FTO: variants seen among roughly 807,000 people sequenced by gnomAD.
FTO encodes the protein FTO alpha-ketoglutarate dependent dioxygenase, also known as alpha-ketoglutarate-dependent dioxygenase FTO.
Under a neutral mutation model 63.9 loss-of-function variants are expected in FTO, and 47 were observed. The ratio of observed to expected loss-of-function variants is 0.74; its 90% CI spans 0.58 to 0.94. The LOEUF (loss-of-function observed/expected upper bound fraction) is 0.94, where lower values mean the gene tolerates loss of function less well. Ranked by LOEUF, FTO falls within the 40% of genes least tolerant of loss-of-function variation. The probability of loss-of-function intolerance (pLI) is 0.00; values close to 1 mark genes in which losing one functional copy is unlikely to be tolerated. For synonymous variants in FTO, 207 were observed against 224.4 expected, an observed-to-expected ratio of 0.92 and a Z score of 0.69; for missense variants, 562 against 618.1, an observed-to-expected ratio of 0.91 and a Z score of 0.96.
At chr16:53,862,873 G>A (rs1039107627) in intron 4 of FTO, among the ~76,000 whole-genome samples, 1 of 152,020 alleles carries the variant, frequency 6.6e-6, no homozygotes, top group Non-Finnish European at 1.5e-5. Flanking sequence ...TGTGATTCCT[G>A]TTAAGTACAT....
chr16:53,715,903 T>C (rs2075884490), intron 1 of FTO, among the ~76,000 whole-genome samples: 1 of 152,174 alleles, frequency 6.6e-6, no homozygotes, highest in African/African-American at 2.4e-5. Context: ...TAGTGTACCC[T>C]TTGTGTACCA....
intron 8 of FTO, among the ~76,000 whole-genome samples, chr16:54,062,375 G>C (rs2085599792): frequency 6.6e-6 from 1 of 152,126 alleles, no homozygotes. Context: ...TGGCAGGGGG[G>C]TGCGGCAGGA....
At chr16:53,786,070 C>A (rs1296813490) in intron 1 of FTO, among the ~76,000 whole-genome samples, 1 of 152,038 alleles carries the variant, frequency 6.6e-6, no homozygotes, top group African/African-American at 2.4e-5. Context: ...AGAGGATAGA[C>A]CATAGGCAGG....
At position 53,941,544 on chromosome 16, in the gene FTO, A is replaced by G. The variant is rs151216357; in HGVS notation, c.1364+7435A>G. On this transcript the variant is annotated intron_variant, in intron 8 of 8. Coordinates refer to ENST00000471389, the MANE Select transcript of FTO (RefSeq NM_001080432.3). ...AGGATTGGACGTTTGTTTGTTTACC[A>G]GCCGTAAAACATACACCTCAGGCCA... Among the ~76,000 whole-genome samples, 650 of 152,358 alleles carry G rather than the reference A, an allele frequency of 4.3e-3. 2 individuals are homozygous for G. The highest frequency in any genetic ancestry group is 0.015 in the African/African-American group (625 of 41,588).
At chr16:53,740,124 AGGATCATATG>A (rs2076496255) in intron 1 of FTO, among the ~76,000 whole-genome samples, 1 of 152,190 alleles carries the variant, frequency 6.6e-6, no homozygotes, top group South Asian at 2.1e-4. Context: ...CTGTAACCCT[AGGATCATATG>A]GTAAATGTTA....
chr16:53,816,544 T>C (rs2078695604), intron 2 of FTO, among the ~76,000 whole-genome samples: 1 of 147,474 alleles, frequency 6.8e-6, no homozygotes, highest in Non-Finnish European at 1.5e-5. Context: ...TTACTCTTCC[T>C]GGAATAAACC....
At chr16:53,737,224 G>T (rs2076409837) in intron 1 of FTO, among the ~76,000 whole-genome samples, 3 of 152,118 alleles carry the variant, frequency 2.0e-5, no homozygotes, top group South Asian at 2.1e-4. Flanking sequence ...ATATTTATCT[G>T]TGGGAAGGAG....
intron 6 of FTO, among the ~76,000 whole-genome samples, chr16:53,880,260 G>A (rs2080786947): frequency 6.6e-6 from 1 of 152,140 alleles, no homozygotes; most frequent in Non-Finnish European, 1.5e-5. Flanking sequence ...GCCTCCTGAA[G>A]TGCTGGGATT....
rs2086940354 is a variant in FTO at position 54,113,784 on chromosome 16, A to G, written c.*1869A>G. On this transcript the variant is annotated 3_prime_UTR_variant, in exon 9 of 9. Transcript: ENST00000471389. ...AATTGGGAGATTTCACATAAAATTA[A>G]AAGGTCTGCATTTTCTTTTTTCTTT... 6.6e-6 allele frequency: 1 copy of G among 150,960 alleles called. No homozygotes were observed. Among genetic ancestry groups the G allele is most frequent in the South Asian group, 2.1e-4 (1 of 4,752 alleles). The allele number at this position is 150,960 out of a possible 1,614,324, so 9.4% of individuals were successfully genotyped here.
At chr16:53,757,006 G>A (rs1483246037) in intron 1 of FTO, among the ~76,000 whole-genome samples, 1 of 152,144 alleles carries the variant, frequency 6.6e-6, no homozygotes, top group Non-Finnish European at 1.5e-5. Flanking sequence ...ATAGCCAGGA[G>A]TCACGGTGAT....
chr16:54,066,095 G>T (rs531779623), intron 8 of FTO, among the ~76,000 whole-genome samples: 1 of 152,280 alleles, frequency 6.6e-6, no homozygotes, highest in South Asian at 2.1e-4. Context: ...TATTGGTCCC[G>T]CCTTGCCTTG....
At chr16:53,977,674 G>A (rs2083459879) in intron 8 of FTO, among the ~76,000 whole-genome samples, 1 of 152,090 alleles carries the variant, frequency 6.6e-6, no homozygotes, top group South Asian at 2.1e-4. Context: ...TTCTTTATGG[G>A]GAGAGAGTAT....
At chr16:54,006,278 T>G (rs1244920359) in intron 8 of FTO, among the ~76,000 whole-genome samples, 1 of 152,218 alleles carries the variant, frequency 6.6e-6, no homozygotes, top group Non-Finnish European at 1.5e-5. Context: ...ATGTCAAAAC[T>G]TAGCTGAAGC....
intron 6 of FTO, among the ~76,000 whole-genome samples, chr16:53,882,196 T>C (rs1339747812): frequency 2.0e-5 from 3 of 152,172 alleles, no homozygotes; most frequent in Non-Finnish European, 4.4e-5. Context: ...AGTTAAAAAA[T>C]GTTCTCATGC....
intron 1 of FTO, among the ~76,000 whole-genome samples, chr16:53,796,000 A>G (rs955598771): frequency 6.6e-6 from 1 of 152,250 alleles, no homozygotes; most frequent in South Asian, 2.1e-4. Context: ...TTTAGCAAGA[A>G]GAAAAGTGAA....
chr16:53,833,558 A>T (rs1413110659), intron 3 of FTO, among the ~76,000 whole-genome samples: 1 of 152,168 alleles, frequency 6.6e-6, no homozygotes, highest in East Asian at 1.9e-4. Flanking sequence ...TTTTGTGTGT[A>T]TACTTTTTTT....
At chr16:53,728,496 A>G (rs2076201114) in intron 1 of FTO, among the ~76,000 whole-genome samples, 1 of 152,122 alleles carries the variant, frequency 6.6e-6, no homozygotes, top group Non-Finnish European at 1.5e-5. Flanking sequence ...CCCTGGTCTA[A>G]GTTCTAGGAT....
intron 4 of FTO, among the ~76,000 whole-genome samples, chr16:53,851,094 C>T (rs2079778902): frequency 6.6e-6 from 1 of 151,960 alleles, no homozygotes; most frequent in South Asian, 2.1e-4. Flanking sequence ...ATTCTTTCTT[C>T]CACTGACGCA....
intron 8 of FTO, among the ~76,000 whole-genome samples, chr16:54,017,174 A>G (rs2084470937): frequency 6.6e-6 from 1 of 152,204 alleles, no homozygotes; most frequent in Non-Finnish European, 1.5e-5. Context: ...TATAGTAGTA[A>G]TAATCCATGT....
Sources: gnomAD v4.1 joint callset for allele counts (sites outside exome capture counted in the v4.1 genomes callset) on GRCh38, gnomAD v4.1.1 for gene constraint, MANE v1.5 for transcripts, NCBI Gene and HGNC (gene_info 2026-07-23, HGNC 2026-07-21) for gene names.